The following TNFRSF10B variants were observed in gnomAD, a reference collection of about 807,000 sequenced individuals.
The protein encoded by TNFRSF10B is TNF receptor superfamily member 10b, also known as tumor necrosis factor receptor superfamily member 10B.
A neutral mutation model predicts 41.4 loss-of-function variants in TNFRSF10B; 35 were observed. The ratio of observed to expected loss-of-function variants is 0.85; its 90% CI spans 0.65 to 1.12. TNFRSF10B has a LOEUF of 1.12. TNFRSF10B is among the 50% of genes most tolerant of loss of function. TNFRSF10B has a pLI of 0.00. For missense variants in TNFRSF10B, 584 were observed against 552.7 expected (o/e 1.06, Z -0.57); for synonymous variants, 230 against 215.5 (o/e 1.07, Z -0.59).
intron 8 of TNFRSF10B, among the ~76,000 whole-genome samples, chr8:23,023,857 C>G (rs1390457306): frequency 6.6e-6 from 1 of 152,182 alleles, no homozygotes; most frequent in Non-Finnish European, 1.5e-5. Flanking sequence ...CCTTAGCCCA[C>G]TGGGGTTAGT....
In TNFRSF10B at chr8:23,061,712, ATTC is replaced by A. The variant is rs1812834899; in HGVS notation, c.144+7036_144+7038del. On this transcript the variant is annotated intron_variant, in intron 1 of 8. Coordinates refer to ENST00000276431, the MANE Select transcript of TNFRSF10B (RefSeq NM_003842.5). ...TATGATGTTGTGGAAGTTTTCTTCT[ATTC>A]TTAGTTTGCTGGGTGTTTTCATCAT... 2.0e-5 allele frequency among the ~76,000 whole-genome samples: 3 copies of A among 152,238 alleles called. No individual in the cohort carries two copies. The South Asian group carries it at 6.2e-4, about 32-fold the overall frequency.
At chr8:23,030,285 C>T (rs908340044) in intron 3 of TNFRSF10B, among the ~76,000 whole-genome samples, 4 of 152,210 alleles carry the variant, frequency 2.6e-5, no homozygotes, top group African/African-American at 9.6e-5. Flanking sequence ...ATGTAGCATA[C>T]ATTATACAAA....
intron 4 of TNFRSF10B, 67 bp downstream of exon 4, chr8:23,029,543 G>A (rs534254762): frequency 5.9e-5 from 87 of 1,466,034 alleles, no homozygotes; most frequent in East Asian, 5.3e-4. Context: ...GAGAGACAGG[G>A]GTACAAGGAG....
At chr8:23,056,322 T>A (rs550490954) in intron 1 of TNFRSF10B, among the ~76,000 whole-genome samples, 4 of 152,208 alleles carry the variant, frequency 2.6e-5, no homozygotes, top group Non-Finnish European at 4.4e-5. Flanking sequence ...TTTACTTTGT[T>A]TTTTCAGGAC....
At chr8:23,067,221 G>C (rs1201375222) in intron 1 of TNFRSF10B, among the ~76,000 whole-genome samples, 3 of 151,858 alleles carry the variant, frequency 2.0e-5, no homozygotes, top group African/African-American at 7.3e-5. Context: ...CATGTGATCT[G>C]CCCGCCTCGG....
At chr8:23,033,811 G>T (rs1009042618) in intron 2 of TNFRSF10B, among the ~76,000 whole-genome samples, 5 of 150,740 alleles carry the variant, frequency 3.3e-5, no homozygotes, top group Non-Finnish European at 5.9e-5. Context: ...AAGAGGGGGG[G>T]AGAGAGAGAG....
rs990587064 is a variant in TNFRSF10B, at chr8:23,068,484, G to T, written c.144+267C>A. ...CCGTGGCTTCACGCAGCTTACTCGGGAATTCCCTCCTTGTCGCCCTCCCCC... is the reference window on the plus strand; with the variant it reads ...CCGTGGCTTCACGCAGCTTACTCGGTAATTCCCTCCTTGTCGCCCTCCCCC... On this transcript the variant is annotated intron_variant, in intron 1 of 8. Transcript: ENST00000276431. 2.7e-5 allele frequency: 15 copies of T among 559,700 alleles called. No homozygotes were observed. In the African/African-American group the frequency reaches 2.9e-4, roughly 11 times the overall value. The allele number at this position is 559,700 out of a possible 1,614,324, so 34.7% of individuals were successfully genotyped here.
intron 1 of TNFRSF10B, among the ~76,000 whole-genome samples, chr8:23,064,959 G>T (rs1273266522): frequency 6.6e-6 from 1 of 152,166 alleles, no homozygotes; most frequent in Non-Finnish European, 1.5e-5. Flanking sequence ...CTGGAGCCTT[G>T]GGACTGCACA....
In TNFRSF10B at chr8:23,024,273, G is replaced by C; in HGVS notation, c.937-13C>G. On this transcript the variant is annotated splice_polypyrimidine_tract_variant and intron_variant, in intron 7 of 8. Transcript: ENST00000276431. Reference sequence around the variant, plus strand: ...CTTCTGCCGGTTCCTGTAACACATAGTGGGGAATGTCCTGGTCAGAGCCAG... The same window carrying C: ...CTTCTGCCGGTTCCTGTAACACATACTGGGGAATGTCCTGGTCAGAGCCAG... 1 of 1,613,896 alleles carries C rather than the reference G, an allele frequency of 6.2e-7. No homozygotes were observed. Among genetic ancestry groups the C allele is most frequent in the Non-Finnish European group, 8.5e-7 (1 of 1,179,922 alleles).
chr8:23,027,075 C>A (rs17088896), intron 7 of TNFRSF10B, 58 bp downstream of exon 7: 115,681 of 1,611,814 alleles, frequency 0.072, 5,346 homozygotes, highest in East Asian at 0.2. Flanking sequence ...CTCCCACTGT[C>A]TACGAAATCC....
chr8:23,062,010 A>G (rs529965255), intron 1 of TNFRSF10B, among the ~76,000 whole-genome samples: 1 of 152,206 alleles, frequency 6.6e-6, no homozygotes, highest in East Asian at 1.9e-4. Flanking sequence ...TAATATCTTT[A>G]TCTGCTTGGG....
At chr8:23,042,424 G>A (rs902614341) in intron 2 of TNFRSF10B, among the ~76,000 whole-genome samples, 3 of 152,220 alleles carry the variant, frequency 2.0e-5, no homozygotes, top group Non-Finnish European at 2.9e-5. Context: ...AAAGGGGGAA[G>A]AAGTGCGAGG....
rs762575410 is a variant in TNFRSF10B, at chr8:23,021,669, C to A, written c.*1002G>T. On this transcript the variant is annotated 3_prime_UTR_variant, in exon 9 of 9. Transcript: ENST00000276431. ...CACAGGACTTCACGTGGATCCAGTT[C>A]TCTTTGGTCCCGACTCATATGTAAA... The A allele has an allele frequency of 8.8e-6, 4 of 454,108 alleles. No homozygotes were observed. Among genetic ancestry groups the A allele is most frequent in the South Asian group, 6.2e-5 (4 of 64,474 alleles). The allele number at this position is 454,108 out of a possible 1,614,324, so 28.1% of individuals were successfully genotyped here.
At chr8:23,023,053 G>C in intron 8 of TNFRSF10B, 69 bp from the exon 9 acceptor site, 1 of 1,575,598 alleles carries the variant, frequency 6.3e-7, no homozygotes, top group Non-Finnish European at 8.6e-7. Context: ...TTCCACATCA[G>C]GCCCAGAACC....
intron 1 of TNFRSF10B, among the ~76,000 whole-genome samples, chr8:23,063,989 G>A (rs539492103): frequency 1.5e-4 from 23 of 152,334 alleles, no homozygotes; most frequent in Admixed American, 2.6e-4. Context: ...TAGAATCCAC[G>A]TTACTCATTC....
At chr8:23,033,636 G>T (rs1307359912) in intron 2 of TNFRSF10B, among the ~76,000 whole-genome samples, 1 of 134,224 alleles carries the variant, frequency 7.5e-6, no homozygotes, top group African/African-American at 2.8e-5. Flanking sequence ...CCTGGAAAAG[G>T]TAACTATTTA....
chr8:23,045,591 GCTTGCATTAC>G (rs1387478719), intron 1 of TNFRSF10B, among the ~76,000 whole-genome samples: 1 of 152,070 alleles, frequency 6.6e-6, no homozygotes, highest in Non-Finnish European at 1.5e-5. Flanking sequence ...ATTTTACAAG[GCTTGCATTAC>G]CTTGATACCA....
chr8:23,045,060 CAAAAAAAAAAAAAA>C (rs35953846), intron 1 of TNFRSF10B, among the ~76,000 whole-genome samples: 4 of 38,810 alleles, frequency 1.0e-4, no homozygotes, highest in African/African-American at 4.4e-4. Context: ...TAATAAAATA[CAAAAAAAAAAAAAA>C]AAAAAAAAAG....
chr8:23,058,679 TTC>T (rs761978592), intron 1 of TNFRSF10B, among the ~76,000 whole-genome samples: 7 of 152,126 alleles, frequency 4.6e-5, no homozygotes, highest in Non-Finnish European at 8.8e-5. Context: ...GAGATGGGGT[TTC>T]TCCGTGTTGG....
Sources: allele counts gnomAD v4.1 joint callset (sites outside exome capture counted in the v4.1 genomes callset), GRCh38; gene constraint gnomAD v4.1.1; transcripts MANE v1.5; gene names NCBI Gene and HGNC (gene_info 2026-07-23, HGNC 2026-07-21).